Variants in CSMD1 observed in about 807,000 individuals in gnomAD.
CSMD1 encodes the protein CUB and sushi domain-containing protein 1.
Under a neutral mutation model 417.5 loss-of-function variants are expected in CSMD1, and 213 were observed. The observed-to-expected ratio is 0.51, with a 90% CI of 0.46 to 0.57. The LOEUF (loss-of-function observed/expected upper bound fraction) is 0.57, where lower values mean the gene tolerates loss of function less well. CSMD1 is among the 20% of genes least tolerant of loss of function. CSMD1 has a pLI of 0.00. For synonymous variants in CSMD1, 2,862 were observed against 1,736.8 expected (o/e 1.65, Z -16.11); for missense variants, 6,923 against 4,529.7 (o/e 1.53, Z -15.17).
intron 7 of CSMD1, among the ~76,000 whole-genome samples, chr8:3,690,878 T>C (rs1800199014): frequency 6.6e-6 from 1 of 152,214 alleles, no homozygotes; most frequent in Non-Finnish European, 1.5e-5. Flanking sequence ...ATTGATTTCA[T>C]TTAATGTATA....
intron 5 of CSMD1, among the ~76,000 whole-genome samples, chr8:3,853,133 G>A (rs1160961184): frequency 1.3e-5 from 2 of 152,110 alleles, no homozygotes; most frequent in Non-Finnish European, 2.9e-5. Context: ...GGCAGCAGGT[G>A]GCTGAGCCCG....
chr8:4,365,967 G>A (rs1041457875), intron 3 of CSMD1, among the ~76,000 whole-genome samples: 1 of 152,052 alleles, frequency 6.6e-6, no homozygotes, highest in Admixed American at 6.5e-5. Flanking sequence ...TCCACGTACA[G>A]GTTTGTTCAT....
At chr8:4,941,930 A>G (rs1290017153) in intron 1 of CSMD1, among the ~76,000 whole-genome samples, 1 of 152,154 alleles carries the variant, frequency 6.6e-6, no homozygotes, top group East Asian at 1.9e-4. Flanking sequence ...CTAAATTTGC[A>G]AACACAACAG....
chr8:4,783,522 G>A (rs75755516), intron 1 of CSMD1, among the ~76,000 whole-genome samples: 1,579 of 152,306 alleles, frequency 0.01, 11 homozygotes, highest in East Asian at 0.054. Flanking sequence ...ACATTAAAAC[G>A]TTTATGCAAA....
intron 5 of CSMD1, among the ~76,000 whole-genome samples, chr8:3,839,031 AT>A (rs1460223888): frequency 7.8e-6 from 1 of 127,972 alleles, no homozygotes; most frequent in African/African-American, 2.9e-5. Context: ...GATATTATAT[AT>A]ATTTATTATA....
intron 2 of CSMD1, among the ~76,000 whole-genome samples, chr8:4,510,393 A>AAAAAAAAAAAAAAG (rs1317269355): frequency 2.2e-4 from 4 of 18,408 alleles, no homozygotes; most frequent in African/African-American, 5.0e-4. Context: ...TAATGCCTAA[A>AAAAAAAAAAAAAAG]AAAAAAAAAA....
intron 3 of CSMD1, among the ~76,000 whole-genome samples, chr8:4,308,293 G>C (rs1401375048): frequency 1.3e-5 from 2 of 152,160 alleles, no homozygotes; most frequent in African/African-American, 2.4e-5. Context: ...TGGTGTGTGT[G>C]AAGTTTGAAG....
intron 5 of CSMD1, among the ~76,000 whole-genome samples, chr8:3,946,455 C>G (rs761076519): frequency 2.0e-5 from 3 of 152,136 alleles, no homozygotes; most frequent in Non-Finnish European, 4.4e-5. Flanking sequence ...ATCTTCAAAT[C>G]GTATTATGTA....
At chr8:4,159,405 G>C (rs1192381258) in intron 3 of CSMD1, among the ~76,000 whole-genome samples, 4 of 152,134 alleles carry the variant, frequency 2.6e-5, no homozygotes, top group Non-Finnish European at 5.9e-5. Context: ...GGGAAAAGAA[G>C]TCATTATATG....
chr8:3,530,264 A>G (rs964162665), intron 10 of CSMD1, among the ~76,000 whole-genome samples: 1 of 151,978 alleles, frequency 6.6e-6, no homozygotes, highest in Non-Finnish European at 1.5e-5. Flanking sequence ...TGTTGATTCA[A>G]TATCTTATAT....
intron 2 of CSMD1, among the ~76,000 whole-genome samples, chr8:4,585,357 G>T (rs1167629882): frequency 6.6e-6 from 1 of 151,910 alleles, no homozygotes; most frequent in Non-Finnish European, 1.5e-5. Context: ...TAGAGAACTA[G>T]AAAAAAGGTT....
At chr8:4,164,655 C>T (rs959266409) in intron 3 of CSMD1, among the ~76,000 whole-genome samples, 3 of 152,054 alleles carry the variant, frequency 2.0e-5, no homozygotes, top group African/African-American at 2.4e-5. Context: ...TCACACAAGA[C>T]ACGATTGAAT....
chr8:2,979,681 T>G (rs1226749102), intron 54 of CSMD1, among the ~76,000 whole-genome samples: 1 of 152,198 alleles, frequency 6.6e-6, no homozygotes, highest in African/African-American at 2.4e-5. Flanking sequence ...ACTGTGCGTT[T>G]TATTTCTTCT....
chr8:3,053,783 G>C (rs1349596414), intron 49 of CSMD1, among the ~76,000 whole-genome samples: 1 of 152,150 alleles, frequency 6.6e-6, no homozygotes, highest in East Asian at 1.9e-4. Flanking sequence ...GGCAGAGGGT[G>C]ACATTTCAAT....
intron 12 of CSMD1, among the ~76,000 whole-genome samples, chr8:3,438,216 A>G (rs1478201127): frequency 6.6e-6 from 1 of 152,184 alleles, no homozygotes; most frequent in Non-Finnish European, 1.5e-5. Flanking sequence ...TGCAGTTGTA[A>G]GAGGTAATAC....
intron 18 of CSMD1, among the ~76,000 whole-genome samples, chr8:3,369,747 A>T (rs1242186137): frequency 6.6e-6 from 1 of 152,150 alleles, no homozygotes; most frequent in Admixed American, 6.6e-5. Context: ...TCAAACACTC[A>T]CTTCAGACAC....
intron 2 of CSMD1, among the ~76,000 whole-genome samples, chr8:4,521,642 A>G (rs1803454701): frequency 6.6e-6 from 1 of 152,198 alleles, no homozygotes. Flanking sequence ...TTATGGTAGA[A>G]AAAGGTGGCC....
chr8:4,204,570 G>C (rs73658475), intron 3 of CSMD1, among the ~76,000 whole-genome samples: 3,339 of 152,230 alleles, frequency 0.022, 147 homozygotes, highest in African/African-American at 0.076. Context: ...TCTATACTGA[G>C]AGGAAGATTC....
At chr8:4,937,250 T>C (rs1384706917) in intron 1 of CSMD1, among the ~76,000 whole-genome samples, 1 of 152,110 alleles carries the variant, frequency 6.6e-6, no homozygotes, top group Non-Finnish European at 1.5e-5. Flanking sequence ...TTTATAAATA[T>C]AAGGACAAAT....
Sources: gnomAD v4.1 joint callset for allele counts (sites outside exome capture counted in the v4.1 genomes callset) on GRCh38, gnomAD v4.1.1 for gene constraint, MANE v1.5 for transcripts, NCBI Gene and HGNC (gene_info 2026-07-23, HGNC 2026-07-21) for gene names.